Variants in ARHGEF10L observed in about 807,000 individuals in gnomAD.
ARHGEF10L encodes the protein rho guanine nucleotide exchange factor 10-like protein.
Under a neutral mutation model 141.2 loss-of-function variants are expected in ARHGEF10L, and 69 were observed. The observed-to-expected ratio is 0.49, with a 90% CI of 0.40 to 0.60. The LOEUF is 0.60. ARHGEF10L is among the 20% of genes least tolerant of loss of function. ARHGEF10L has a pLI of 0.00. For synonymous variants in ARHGEF10L, 711 were observed against 718.5 expected (o/e 0.99, Z 0.17); for missense variants, 1,482 against 1,734.3 (o/e 0.85, Z 2.58).
intron 15 of ARHGEF10L, among the ~76,000 whole-genome samples, chr1:17,630,274 A>AG (rs1488119786): frequency 6.6e-6 from 1 of 152,246 alleles, no homozygotes; most frequent in African/African-American, 2.4e-5. Context: ...GAGCCTCCAG[A>AG]GGGCCGTTTG....
chr1:17,673,139 G>A lies in ARHGEF10L; in HGVS notation c.3009+8544G>A, dbSNP rs1557999127. 2.0e-5 allele frequency among the ~76,000 whole-genome samples: 3 copies of A among 152,236 alleles called. No individual in the cohort carries two copies. Among genetic ancestry groups the A allele is most frequent in the South Asian group, 2.1e-4 (1 of 4,834 alleles). On this transcript the variant is annotated intron_variant, in intron 26 of 28. Coordinates refer to ENST00000361221, the MANE Select transcript of ARHGEF10L (RefSeq NM_018125.4). This position sits in a 1 kb window ranked among gnomAD's most constrained non-coding sequence, Gnocchi z 4.1. ...GGAACCTGGAGGAAAAAGGGAACCG[G>A]TACAGGGAAGGCGGATGAACAGACA...
intron 27 of ARHGEF10L, among the ~76,000 whole-genome samples, chr1:17,690,147 T>C (rs1427009316): frequency 6.6e-6 from 1 of 152,186 alleles, no homozygotes; most frequent in East Asian, 1.9e-4. Flanking sequence ...TCACACTTAC[T>C]GTGTAGCCTT....
the ARHGEF10L span, among the ~76,000 whole-genome samples, chr1:17,516,961 A>G: frequency 7.2e-5 from 11 of 152,194 alleles, no homozygotes; most frequent in Non-Finnish European, 1.5e-4. Context: ...GCAAACCTGC[A>G]TTTAATTCTC....
At chr1:17,553,248 C>T (rs1014517093) in intron 1 of ARHGEF10L, among the ~76,000 whole-genome samples, 3 of 152,346 alleles carry the variant, frequency 2.0e-5, no homozygotes, top group Middle Eastern at 3.4e-3. Flanking sequence ...GCTTGGGCAA[C>T]ATTTCACTTT....
At chr1:17,695,801 G>A (rs2065454299) in intron 28 of ARHGEF10L, among the ~76,000 whole-genome samples, 1 of 151,862 alleles carries the variant, frequency 6.6e-6, no homozygotes, top group Non-Finnish European at 1.5e-5. Flanking sequence ...CCACCACCCT[G>A]AGAATGATGA....
intron 26 of ARHGEF10L, among the ~76,000 whole-genome samples, chr1:17,670,829 C>T (rs1308952791): frequency 6.6e-6 from 1 of 152,242 alleles, no homozygotes; most frequent in Non-Finnish European, 1.5e-5. Context: ...GCCATGCTGG[C>T]CCCTTCCCAC....
At chr1:17,680,052 C>T (rs527900756) in intron 26 of ARHGEF10L, among the ~76,000 whole-genome samples, 9 of 152,282 alleles carry the variant, frequency 5.9e-5, no homozygotes, top group East Asian at 5.8e-4. Flanking sequence ...GCGAGGTGCA[C>T]GCTTCTGCCC....
At chr1:17,531,420 G>A in the ARHGEF10L span, among the ~76,000 whole-genome samples, 284 of 152,318 alleles carry the variant, frequency 1.9e-3, 2 homozygotes, top group Non-Finnish European at 3.1e-3. Flanking sequence ...GAGTTCTTGG[G>A]GGAAGACTTG....
At chr1:17,533,772 C>A in the ARHGEF10L span, among the ~76,000 whole-genome samples, 1 of 152,172 alleles carries the variant, frequency 6.6e-6, no homozygotes, top group African/African-American at 2.4e-5. Flanking sequence ...ATGAGACCGA[C>A]TCTATCATCC....
intron 2 of ARHGEF10L, among the ~76,000 whole-genome samples, chr1:17,583,339 G>A (rs1318267706): frequency 6.6e-6 from 1 of 152,094 alleles, no homozygotes; most frequent in Non-Finnish European, 1.5e-5. Flanking sequence ...CAGGGACTGG[G>A]CTATGACAAG....
chr1:17,682,663 G>A (rs1333931036), intron 26 of ARHGEF10L, among the ~76,000 whole-genome samples: 1 of 152,146 alleles, frequency 6.6e-6, no homozygotes, highest in Non-Finnish European at 1.5e-5. Flanking sequence ...GGTGCAGGGT[G>A]AGCGCTCACC....
At chr1:17,676,133 G>A (rs1255338537) in intron 26 of ARHGEF10L, among the ~76,000 whole-genome samples, 1 of 145,460 alleles carries the variant, frequency 6.9e-6, no homozygotes, top group Non-Finnish European at 1.5e-5. Flanking sequence ...TGCAGGCGTG[G>A]GTGCAGGTGT....
the ARHGEF10L span, among the ~76,000 whole-genome samples, chr1:17,520,806 C>T: frequency 1.3e-5 from 2 of 152,174 alleles, no homozygotes; most frequent in Non-Finnish European, 2.9e-5. Flanking sequence ...AGGGATGCAG[C>T]TTGAGATGGC....
rs945662523 is a variant in ARHGEF10L, at chr1:17,623,365, C to T, written c.1200+190C>T. ...GACACCTTGAAGTGGCCAGGATGTC[C>T]TTGGATATACCTGGCAGGCCATGGT... On this transcript the variant is annotated intron_variant, in intron 12 of 28. Coordinates refer to ENST00000361221, the MANE Select transcript of ARHGEF10L (RefSeq NM_018125.4). The surrounding 1 kb of genome is among the most constrained non-coding windows in gnomAD (Gnocchi z 4.7). 3.9e-5 allele frequency among the ~76,000 whole-genome samples: 6 copies of T among 152,092 alleles called. No individual in the cohort carries two copies. The highest frequency in any genetic ancestry group is 1.4e-4 in the African/African-American group (6 of 41,408).
chr1:17,584,463 A>C (rs2100586328), intron 2 of ARHGEF10L, among the ~76,000 whole-genome samples: 1 of 152,280 alleles, frequency 6.6e-6, no homozygotes, highest in Middle Eastern at 3.4e-3. Flanking sequence ...ACAGCAAACA[A>C]AACAGACAAA....
chr1:17,618,576 C>G, intron 9 of ARHGEF10L: 1 of 1,258,170 alleles, frequency 7.9e-7, no homozygotes, highest in African/African-American at 1.6e-5. Context: ...GTTGCTGCCG[C>G]TTCTTCTTTC....
chr1:17,697,463 G>A lies in ARHGEF10L; in HGVS notation c.*83G>A. On this transcript the variant is annotated 3_prime_UTR_variant, in exon 29 of 29. Transcript: ENST00000361221. This position sits in a 1 kb window ranked among gnomAD's most constrained non-coding sequence, Gnocchi z 4.8. ...CTCTCGTGCTCTAGGACCTGCACGG[G>A]ACTTGTGGATGGGCCTGGACTCTCC... The A allele has an allele frequency of 6.7e-7, 1 of 1,482,536 alleles. No individual in the cohort carries two copies. The highest frequency in any genetic ancestry group is 2.3e-5 in the Admixed American group (1 of 44,236). The allele number at this position is 1,482,536 out of a possible 1,614,324, so 91.8% of individuals were successfully genotyped here. A position where few individuals can be genotyped will look rare whatever the true frequency, so the allele number is the denominator to read the frequency against.
intron 23 of ARHGEF10L, 132 bp from the exon 24 acceptor site, chr1:17,655,747 C>G: frequency 2.5e-6 from 2 of 788,164 alleles, no homozygotes; most frequent in East Asian, 5.4e-5. Flanking sequence ...TTTGTGAAGG[C>G]AGGATGTGTG....
At position 17,639,997 on chromosome 1, in the gene ARHGEF10L, G is replaced by A. The variant is rs2061238598; in HGVS notation, c.2172-205G>A. On this transcript the variant is annotated intron_variant, in intron 20 of 28. Coordinates refer to ENST00000361221, the MANE Select transcript of ARHGEF10L (RefSeq NM_018125.4). This position sits in a 1 kb window ranked among gnomAD's most constrained non-coding sequence, Gnocchi z 4.3. The stretch of plus-strand genomic sequence containing the variant: ...CCCTGGCCAGGTACCTCCCTCTGGG[G>A]GTCATTGTGGGCGGAGGGATTCCTC... The A allele has an allele frequency of 2.7e-6, 4 of 1,479,420 alleles. No homozygotes were observed. In the South Asian group the frequency reaches 5.3e-5, roughly 20 times the overall value. The allele number at this position is 1,479,420 out of a possible 1,614,324, so 91.6% of individuals were successfully genotyped here. A position where few individuals can be genotyped will look rare whatever the true frequency, so the allele number is the denominator to read the frequency against.
Sources: gnomAD v4.1 joint callset for allele counts (sites outside exome capture counted in the v4.1 genomes callset) on GRCh38, gnomAD v4.1.1 for gene constraint, Gnocchi (gnomAD v3.1) non-coding constraint, MANE v1.5 for transcripts, NCBI Gene and HGNC (gene_info 2026-07-23, HGNC 2026-07-21) for gene names.